GPR39: variants seen among roughly 807,000 people sequenced by gnomAD.
GPR39 encodes G protein-coupled receptor 39.
A neutral mutation model predicts 18.4 loss-of-function variants in GPR39; 23 were observed. The ratio of observed to expected loss-of-function variants is 1.25; its 90% CI spans 0.90 to 1.77. GPR39 has a LOEUF of 1.77. Among genes scored for constraint, GPR39 ranks in the 40% most tolerant of loss-of-function variants. The pLI is 0.00. For missense variants in GPR39, 647 were observed against 602.4 expected (o/e 1.07, Z -0.78); for synonymous variants, 280 against 257.9 (o/e 1.09, Z -0.82).
At chr2:132,418,032 T>G (rs1026613944) in intron 1 of GPR39, 134 bp downstream of exon 1, 12 of 1,137,142 alleles carry the variant, frequency 1.1e-5, no homozygotes, top group Non-Finnish European at 1.3e-5. Context: ...GGTGGAAGAG[T>G]CTTGTAGCAG....
Position 132,590,818 on chromosome 2 carries a change from C to CGTGTGTGTGTGTGT in GPR39, c.857-54262_857-54249dup, listed in dbSNP as rs3066458. Among the ~76,000 whole-genome samples, 320 of 143,994 alleles carry CGTGTGTGTGTGTGT rather than the reference C, an allele frequency of 2.2e-3. 2 individuals are homozygous for CGTGTGTGTGTGTGT. The highest frequency in any genetic ancestry group is 8.1e-3 in the African/African-American group (313 of 38,740). The allele number at this position is 143,994 out of a possible 152,430, so 94.5% of individuals were successfully genotyped here. The stretch of plus-strand genomic sequence containing the variant: ...GGATTGAAGGATGCAAAGTATTGTT[C>CGTGTGTGTGTGTGT]GTGTGTGTGTGTGTGTGTGTGTGTG... On this transcript the variant is annotated intron_variant, in intron 1 of 1. Transcript: ENST00000329321.
At chr2:132,571,868 A>G (rs1057135214) in intron 1 of GPR39, among the ~76,000 whole-genome samples, 10 of 152,252 alleles carry the variant, frequency 6.6e-5, no homozygotes, top group Non-Finnish European at 1.3e-4. Context: ...AGTGGAGCCC[A>G]GATGAGAAGA....
intron 1 of GPR39, among the ~76,000 whole-genome samples, chr2:132,587,626 G>A (rs1178299445): frequency 2.0e-5 from 3 of 152,074 alleles, no homozygotes; most frequent in African/African-American, 7.2e-5. Flanking sequence ...CTGCCTCCTG[G>A]GTTTTTAAGC....
At chr2:132,641,275 C>A (rs538126528) in intron 1 of GPR39, among the ~76,000 whole-genome samples, 1 of 152,328 alleles carries the variant, frequency 6.6e-6, no homozygotes, top group East Asian at 1.9e-4. Context: ...GACTGGCTAA[C>A]CCTGTTCCTC....
In GPR39 at chr2:132,645,252, C is replaced by G. The variant is rs373021890; in HGVS notation, c.1008C>G (p.Ser336Arg). 1.1e-5 allele frequency: 18 copies of G among 1,614,052 alleles called. No individual in the cohort carries two copies. The highest frequency in any genetic ancestry group is 1.4e-5 in the Non-Finnish European group (17 of 1,180,040). ...TCTCGGAGACGTTTTTCTACCTCAG[C>G]TCGGTCATCAACCCGCTCCTGTACA... Reference protein sequence around the residue: ...LPFSETFFYLSSVINPLLYTV... With the variant: ...LPFSETFFYLRSVINPLLYTV... Residue 336 changes from serine (S) to arginine (R), a missense_variant, in exon 2 of 2, where the codon AGC becomes AGG. This residue lies in a region of GPR39 where 581 missense variants were observed against 506.8 expected (regional missense o/e 1.15). Transcript: ENST00000329321.
chr2:132,604,954 GTACT>G (rs1681107585), intron 1 of GPR39: 1 of 152,180 alleles, frequency 6.6e-6, no homozygotes, highest in African/African-American at 2.4e-5. Context: ...CACTTACTGA[GTACT>G]TACCACATGT....
intron 1 of GPR39, among the ~76,000 whole-genome samples, chr2:132,512,861 G>A (rs1279130622): frequency 6.6e-6 from 1 of 152,148 alleles, no homozygotes; most frequent in Non-Finnish European, 1.5e-5. Context: ...CTGGATGGCT[G>A]GGAAACTTAG....
intron 1 of GPR39, among the ~76,000 whole-genome samples, chr2:132,492,432 C>CAT (rs1264796462): frequency 7.5e-6 from 1 of 133,618 alleles, no homozygotes; most frequent in African/African-American, 2.8e-5. Context: ...ATATATACAC[C>CAT]ATATATATAC....
chr2:132,446,297 A>G (rs533767569), intron 1 of GPR39, among the ~76,000 whole-genome samples: 211 of 152,338 alleles, frequency 1.4e-3, no homozygotes, highest in African/African-American at 5.0e-3. Context: ...TCAGAGACAC[A>G]AAGCCATGAA....
At chr2:132,447,715 A>C (rs4417767) in intron 1 of GPR39, among the ~76,000 whole-genome samples, 75,383 of 152,080 alleles carry the variant, frequency 0.5, 20,588 homozygotes, top group Non-Finnish European at 0.62. Context: ...GAATCCATTA[A>C]GTTTAGCAAC....
At chr2:132,488,185 T>C (rs1411906395) in intron 1 of GPR39, among the ~76,000 whole-genome samples, 1 of 152,304 alleles carries the variant, frequency 6.6e-6, no homozygotes, top group Admixed American at 6.5e-5. Flanking sequence ...AATAGGTACT[T>C]GCCTTTTGGA....
At chr2:132,468,074 A>G (rs963091360) in intron 1 of GPR39, among the ~76,000 whole-genome samples, 5 of 152,106 alleles carry the variant, frequency 3.3e-5, no homozygotes, top group Admixed American at 1.3e-4. Context: ...GCACCTCCCA[A>G]CACTCTGCCT....
intron 1 of GPR39, among the ~76,000 whole-genome samples, chr2:132,557,977 AGT>A (rs1489646400): frequency 1.6e-5 from 2 of 122,352 alleles, no homozygotes; most frequent in Non-Finnish European, 3.4e-5. Flanking sequence ...AGCTGCACTG[AGT>A]GGTGGTGGTG....
At chr2:132,569,476 T>A (rs1680405816) in intron 1 of GPR39, among the ~76,000 whole-genome samples, 1 of 151,958 alleles carries the variant, frequency 6.6e-6, no homozygotes, top group Admixed American at 6.6e-5. Context: ...GGACCACACC[T>A]CCCTTAAGGC....
chr2:132,579,525 G>A (rs891637140), intron 1 of GPR39, among the ~76,000 whole-genome samples: 5 of 152,044 alleles, frequency 3.3e-5, no homozygotes, highest in African/African-American at 1.2e-4. Flanking sequence ...GTTATGACTA[G>A]TTCTACTAAT....
At chr2:132,443,789 G>A (rs1322253787) in intron 1 of GPR39, among the ~76,000 whole-genome samples, 1 of 152,192 alleles carries the variant, frequency 6.6e-6, no homozygotes, top group Non-Finnish European at 1.5e-5. Flanking sequence ...AATTTTGTCA[G>A]CCAGGCACAG....
intron 1 of GPR39, among the ~76,000 whole-genome samples, chr2:132,493,252 C>T (rs1427657072): frequency 1.4e-5 from 2 of 143,410 alleles, no homozygotes; most frequent in African/African-American, 2.6e-5. Context: ...ACCATATATA[C>T]ACCATATATA....
chr2:132,601,888 A>G (rs571644086), intron 1 of GPR39, among the ~76,000 whole-genome samples: 1 of 152,242 alleles, frequency 6.6e-6, no homozygotes, highest in East Asian at 1.9e-4. Flanking sequence ...AAACTACAAA[A>G]CACTGATGAA....
chr2:132,585,166 A>T (rs1240053881), intron 1 of GPR39, among the ~76,000 whole-genome samples: 2 of 152,094 alleles, frequency 1.3e-5, no homozygotes, highest in East Asian at 3.9e-4. Flanking sequence ...AGGATTTAGG[A>T]CAACAATCCC....
Sources: gnomAD v4.1 joint callset for allele counts (sites outside exome capture counted in the v4.1 genomes callset) on GRCh38, gnomAD v4.1.1 for gene constraint, gnomAD v4.1.1 regional missense constraint, MANE v1.5 for transcripts, NCBI Gene and HGNC (gene_info 2026-07-23, HGNC 2026-07-21) for gene names.